FIG4: variants seen among roughly 807,000 people sequenced by gnomAD.
FIG4 encodes the protein FIG4 phosphoinositide 5-phosphatase.
In FIG4, 112 loss-of-function variants were observed where a neutral mutation model predicts 118.6. That is an observed-to-expected ratio of 0.94 (90% CI 0.81 to 1.11). The LOEUF is 1.11. Ranked by LOEUF, FIG4 falls within the 50% of genes least tolerant of loss-of-function variation. The probability of loss-of-function intolerance (pLI) is 0.00; values close to 1 mark genes in which losing one functional copy is unlikely to be tolerated. For synonymous variants in FIG4, 369 were observed against 381.2 expected (o/e 0.97, Z 0.37); for missense variants, 969 against 1,111.7 (o/e 0.87, Z 1.83).
chr6:109,778,854 C>T (rs935990679), intron 16 of FIG4, among the ~76,000 whole-genome samples: 1 of 152,174 alleles, frequency 6.6e-6, no homozygotes, highest in Non-Finnish European at 1.5e-5. Flanking sequence ...CCGCCTTGGC[C>T]TCCCAAAGTG....
chr6:109,741,800 T>TC, intron 8 of FIG4, among the ~76,000 whole-genome samples: 1 of 152,116 alleles, frequency 6.6e-6, no homozygotes, highest in Non-Finnish European at 1.5e-5. Context: ...TCTGTATACT[T>TC]TAAATCATCT....
At chr6:109,792,708 T>C (rs1778170992) in intron 21 of FIG4, 44 bp downstream of exon 21, 1 of 1,044,412 alleles carries the variant, frequency 9.6e-7, no homozygotes. Context: ...TGAATATTTA[T>C]AATTACAGTA....
chr6:109,786,200 CAG>C, intron 17 of FIG4, 100 bp from the exon 18 acceptor site: 1 of 1,034,406 alleles, frequency 9.7e-7, no homozygotes, highest in South Asian at 1.4e-5. Flanking sequence ...GTATCCCCCA[CAG>C]AGCTTATCAC....
chr6:109,764,380 G>T (rs1006754851), intron 13 of FIG4, among the ~76,000 whole-genome samples: 6 of 151,460 alleles, frequency 4.0e-5, no homozygotes, highest in African/African-American at 1.5e-4. Context: ...GGAGGTTGCA[G>T]TGAGGCGAGA....
intron 1 of FIG4, among the ~76,000 whole-genome samples, chr6:109,702,618 T>C (rs1190952474): frequency 6.6e-6 from 1 of 152,166 alleles, no homozygotes; most frequent in African/African-American, 2.4e-5. Context: ...GGCTGAGGCA[T>C]GCCTGATCTA....
chr6:109,750,996 C>A lies in FIG4; in HGVS notation c.1137+7224C>A, dbSNP rs1776677923. On this transcript the variant is annotated intron_variant, in intron 10 of 22. Coordinates refer to ENST00000230124, the MANE Select transcript of FIG4 (RefSeq NM_014845.6). ...AACTGATTTAACACTGTTCTTAATTCTTATCTAATTATTTCATTTGATGTA... is the reference window on the plus strand; with the variant it reads ...AACTGATTTAACACTGTTCTTAATTATTATCTAATTATTTCATTTGATGTA... 3.9e-5 allele frequency among the ~76,000 whole-genome samples: 6 copies of A among 152,198 alleles called. No homozygotes were observed. In the South Asian group the frequency reaches 1.2e-3, roughly 32 times the overall value.
At chr6:109,739,079 AG>A (rs1288726703) in intron 7 of FIG4, among the ~76,000 whole-genome samples, 1 of 152,170 alleles carries the variant, frequency 6.6e-6, no homozygotes, top group Non-Finnish European at 1.5e-5. Context: ...AGTAGTATTT[AG>A]GATGCTTGAG....
chr6:109,715,351 G>A (rs1775398636), intron 2 of FIG4, among the ~76,000 whole-genome samples, 175 bp downstream of exon 2: 2 of 152,062 alleles, frequency 1.3e-5, no homozygotes, highest in Admixed American at 1.3e-4. Context: ...AGAAATCACT[G>A]GTGTCAAGAA....
intron 18 of FIG4, 106 bp from the exon 19 acceptor site, chr6:109,789,487 CT>C: frequency 3.6e-6 from 3 of 833,048 alleles, no homozygotes; most frequent in Non-Finnish European, 6.2e-6. Flanking sequence ...TAATATGTAA[CT>C]CCTAGAGTTA....
intron 10 of FIG4, among the ~76,000 whole-genome samples, chr6:109,745,777 T>G (rs1357752727): frequency 1.3e-5 from 2 of 152,124 alleles, no homozygotes; most frequent in Non-Finnish European, 2.9e-5. Flanking sequence ...TTTTGGGTCT[T>G]ACGTTTAAGT....
At chr6:109,773,832 A>G (rs1361099510) in intron 15 of FIG4, among the ~76,000 whole-genome samples, 4 of 151,818 alleles carry the variant, frequency 2.6e-5, no homozygotes. Context: ...ATTTTTATTT[A>G]TTTATTTATT....
At chr6:109,783,517 A>C (rs528429404) in intron 16 of FIG4, among the ~76,000 whole-genome samples, 2 of 152,318 alleles carry the variant, frequency 1.3e-5, no homozygotes, top group South Asian at 4.1e-4. Context: ...GGGAGGATAG[A>C]AACAGTACTG....
In FIG4 at chr6:109,737,697, G is replaced by A. The variant is rs80130765; in HGVS notation, c.647-628G>A. Among the ~76,000 whole-genome samples the A allele has an allele frequency of 4.6e-5, 7 of 152,126 alleles. No individual in the cohort carries two copies. The East Asian group carries it at 1.4e-3, about 29-fold the overall frequency. ...TCATTGCTGTTTAATACATTTATCT[G>A]GATATGCTAAAATTATGTTTGATGA... On this transcript the variant is annotated intron_variant, in intron 6 of 22. Coordinates refer to ENST00000230124, the MANE Select transcript of FIG4 (RefSeq NM_014845.6).
chr6:109,734,498 A>T (rs1776104523), intron 5 of FIG4, among the ~76,000 whole-genome samples: 1 of 148,870 alleles, frequency 6.7e-6, no homozygotes, highest in Non-Finnish European at 1.5e-5. Flanking sequence ...TTATATATAG[A>T]TACTTTTAAA....
intron 22 of FIG4, among the ~76,000 whole-genome samples, chr6:109,824,011 T>C (rs1779085651): frequency 6.6e-6 from 1 of 152,138 alleles, no homozygotes; most frequent in African/African-American, 2.4e-5. Context: ...ACACACATGC[T>C]CTGCATCACA....
chr6:109,769,189 G>A (rs985093927), intron 15 of FIG4, among the ~76,000 whole-genome samples: 4 of 150,580 alleles, frequency 2.7e-5, no homozygotes, highest in East Asian at 2.0e-4. Context: ...TGCAAACTCC[G>A]CCTCCCGGGT....
intron 1 of FIG4, among the ~76,000 whole-genome samples, chr6:109,692,726 T>A (rs1305418791): frequency 3.3e-5 from 5 of 152,064 alleles, no homozygotes; most frequent in Admixed American, 3.3e-4. Flanking sequence ...AGACAGAGTC[T>A]TGCTCTGTCA....
At chr6:109,740,172 C>CT (rs1463549012) in intron 7 of FIG4, among the ~76,000 whole-genome samples, 1 of 152,102 alleles carries the variant, frequency 6.6e-6, no homozygotes, top group Non-Finnish European at 1.5e-5. Flanking sequence ...GCTACAATTT[C>CT]TAAAGGTAGT....
At chr6:109,796,688 C>T (rs572552383) in intron 21 of FIG4, 77 bp from the exon 22 acceptor site, 32 of 861,042 alleles carry the variant, frequency 3.7e-5, no homozygotes, top group Middle Eastern at 4.4e-4. Flanking sequence ...TGAAAGCTTA[C>T]ACCATTTTGT....
Sources: gnomAD v4.1 joint callset for allele counts (sites outside exome capture counted in the v4.1 genomes callset) on GRCh38, gnomAD v4.1.1 for gene constraint, MANE v1.5 for transcripts, NCBI Gene and HGNC (gene_info 2026-07-23, HGNC 2026-07-21) for gene names.